Variants in ADGRV1 observed in about 807,000 individuals in gnomAD.
ADGRV1 encodes the protein adhesion G protein-coupled receptor V1, also known as G-protein coupled receptor 98.
ADGRV1 carries 359 observed loss-of-function variants against 596.2 expected under a neutral mutation model. The observed-to-expected ratio is 0.60, with a 90% CI of 0.55 to 0.66. ADGRV1 has a LOEUF of 0.66. Ranked by LOEUF, ADGRV1 falls within the 30% of genes least tolerant of loss-of-function variation. The probability of loss-of-function intolerance (pLI) is 0.00; values close to 1 mark genes in which losing one functional copy is unlikely to be tolerated. For synonymous variants in ADGRV1, 2,681 were observed against 2,679.2 expected (o/e 1.00, Z -0.02); for missense variants, 7,274 against 7,575.6 (o/e 0.96, Z 1.48).
At chr5:90,621,376 G>A (rs1764044455) in intron 4 of ADGRV1, among the ~76,000 whole-genome samples, 1 of 152,060 alleles carries the variant, frequency 6.6e-6, no homozygotes, top group African/African-American at 2.4e-5. Context: ...AAGGGTATTT[G>A]GCCAACCTCA....
At chr5:90,814,113 A>G (rs760783672) in intron 74 of ADGRV1, among the ~76,000 whole-genome samples, 1 of 152,212 alleles carries the variant, frequency 6.6e-6, no homozygotes, top group Non-Finnish European at 1.5e-5. Context: ...CCAAAGATAA[A>G]AAGTCAATGT....
At chr5:90,597,004 T>A (rs1451242889) in intron 1 of ADGRV1, among the ~76,000 whole-genome samples, 2 of 152,176 alleles carry the variant, frequency 1.3e-5, no homozygotes, top group Non-Finnish European at 2.9e-5. Context: ...AAGAGAGATA[T>A]GATCAACTCA....
chr5:90,659,073 C>T (rs1769855974), intron 21 of ADGRV1, among the ~76,000 whole-genome samples: 1 of 152,094 alleles, frequency 6.6e-6, no homozygotes, highest in Non-Finnish European at 1.5e-5. Flanking sequence ...CTAGCTTAAA[C>T]TGGGATGTCT....
chr5:90,799,605 G>T (rs1171260059), intron 70 of ADGRV1, among the ~76,000 whole-genome samples: 3 of 152,110 alleles, frequency 2.0e-5, no homozygotes, highest in African/African-American at 7.2e-5. Context: ...AACCAAAAAA[G>T]AGCCCGCATT....
chr5:90,721,041 G>C lies in ADGRV1; in HGVS notation c.9730G>C (p.Glu3244Gln). 6.2e-7 allele frequency: 1 copy of C among 1,611,924 alleles called. No individual in the cohort carries two copies. The highest frequency in any genetic ancestry group is 1.1e-5 in the South Asian group (1 of 90,860). Residue 3244 changes from glutamate to glutamine, a missense_variant, in exon 45 of 90, where the codon GAA becomes CAA. Glu to Gln is a conservative substitution (Grantham distance 29). Around this residue, in one of 5 missense-constraint regions of ADGRV1, gnomAD observed 3,643 missense variants for 3,809.2 expected, o/e 0.96. Coordinates refer to ENST00000405460, the MANE Select transcript of ADGRV1 (RefSeq NM_032119.4). Reference protein sequence around the residue: ...AVSVQWETVSETAFGMRGMDV... With the variant: ...AVSVQWETVSQTAFGMRGMDV... ...GAGTGTGCAGTGGGAGACAGTATCT[G>C]AAACAGCCTTTGGCATGAGTATGTT...
At chr5:90,681,097 G>T (rs1321282881) in intron 26 of ADGRV1, among the ~76,000 whole-genome samples, 1 of 152,202 alleles carries the variant, frequency 6.6e-6, no homozygotes, top group African/African-American at 2.4e-5. Context: ...TGCTTATGCA[G>T]CACTTGTACA....
chr5:90,981,575 G>A (rs1362532124), intron 84 of ADGRV1, among the ~76,000 whole-genome samples: 1 of 152,104 alleles, frequency 6.6e-6, no homozygotes, highest in African/African-American at 2.4e-5. Context: ...CTCTGCATGT[G>A]CATGGGTGTG....
chr5:90,818,597 C>G (rs1763153425), intron 75 of ADGRV1, among the ~76,000 whole-genome samples: 1 of 151,390 alleles, frequency 6.6e-6, no homozygotes, highest in Non-Finnish European at 1.5e-5. Context: ...CCATCAATAC[C>G]TAATTTATTG....
intron 85 of ADGRV1, among the ~76,000 whole-genome samples, chr5:91,043,705 C>A (rs1268338954): frequency 6.6e-6 from 1 of 151,658 alleles, no homozygotes; most frequent in Non-Finnish European, 1.5e-5. Context: ...ACTTAGTGGG[C>A]AATACTTAAA....
intron 77 of ADGRV1, among the ~76,000 whole-genome samples, chr5:90,831,239 A>C (rs1052878011): frequency 6.6e-6 from 1 of 151,430 alleles, no homozygotes; most frequent in African/African-American, 2.4e-5. Flanking sequence ...CTCTCTCTAT[A>C]TATATATACA....
chr5:90,815,577 A>G (rs1166306377), intron 74 of ADGRV1, 42 bp from the exon 75 acceptor site: 1 of 1,165,704 alleles, frequency 8.6e-7, no homozygotes, highest in Admixed American at 2.0e-5. Flanking sequence ...GGTCTTTTAA[A>G]TAATTCTTGA....
rs368597164 is a variant in ADGRV1, at chr5:91,154,992, G to T, written c.18802+1594G>T. 1.4e-3 allele frequency among the ~76,000 whole-genome samples: 208 copies of T among 152,156 alleles called. 2 individuals are homozygous for T. The highest frequency in any genetic ancestry group is 4.8e-3 in the African/African-American group (198 of 41,500). On this transcript the variant is annotated intron_variant, in intron 89 of 89. Coordinates refer to ENST00000405460, the MANE Select transcript of ADGRV1 (RefSeq NM_032119.4). Reference sequence around the variant, plus strand: ...TCTTACAATTCAAGATGAGATTTTGGGTGGGGACACAGCCAAATCATATCA... The same window carrying T: ...TCTTACAATTCAAGATGAGATTTTGTGTGGGGACACAGCCAAATCATATCA...
intron 83 of ADGRV1, among the ~76,000 whole-genome samples, chr5:90,874,061 C>T (rs1018882914): frequency 4.6e-5 from 7 of 152,148 alleles, no homozygotes; most frequent in Non-Finnish European, 7.4e-5. Context: ...TTCCCTAAAA[C>T]TTTTTGGTGT....
At chr5:91,149,828 G>T (rs1795868931) in intron 87 of ADGRV1, among the ~76,000 whole-genome samples, 1 of 21,140 alleles carries the variant, frequency 4.7e-5, no homozygotes, top group Non-Finnish European at 9.0e-5. Context: ...TAAAACTCCA[G>T]CTCAAAAAAA....
intron 83 of ADGRV1, among the ~76,000 whole-genome samples, chr5:90,885,754 A>G (rs1486585016): frequency 1.3e-5 from 2 of 152,166 alleles, no homozygotes; most frequent in Non-Finnish European, 2.9e-5. Flanking sequence ...AGAGGAAGAG[A>G]TAGAAATGAA....
chr5:90,972,871 TAGAG>T (rs1779181803), intron 84 of ADGRV1, among the ~76,000 whole-genome samples: 2 of 149,490 alleles, frequency 1.3e-5, no homozygotes, highest in Admixed American at 6.7e-5. Flanking sequence ...ATGAAGGAGA[TAGAG>T]ACACAAAAAA....
At chr5:90,697,798 CT>C (rs33984453) in intron 34 of ADGRV1, among the ~76,000 whole-genome samples, 2,584 of 151,946 alleles carry the variant, frequency 0.017, 65 homozygotes, top group African/African-American at 0.059. Flanking sequence ...TCGAGTAAGC[CT>C]GTTTTGGGGT....
chr5:90,897,527 T>TAGCAAAACATC (rs11271970), intron 83 of ADGRV1, among the ~76,000 whole-genome samples: 32,130 of 151,998 alleles, frequency 0.21, 5,621 homozygotes, highest in African/African-American at 0.48. Flanking sequence ...GCACAGTGCT[T>TAGCAAAACATC]AGCACTCAAC....
intron 76 of ADGRV1, among the ~76,000 whole-genome samples, chr5:90,827,863 G>C (rs1261797374): frequency 6.6e-6 from 1 of 152,150 alleles, no homozygotes; most frequent in Non-Finnish European, 1.5e-5. Flanking sequence ...AATTCTGAAG[G>C]GTTGGTTGTA....
Sources: gnomAD v4.1 joint callset for allele counts (sites outside exome capture counted in the v4.1 genomes callset) on GRCh38, gnomAD v4.1.1 for gene constraint, gnomAD v4.1.1 regional missense constraint, MANE v1.5 for transcripts, NCBI Gene and HGNC (gene_info 2026-07-23, HGNC 2026-07-21) for gene names.